The following SEMA6D variants were observed in gnomAD, a reference collection of about 807,000 sequenced individuals.
The protein encoded by SEMA6D is semaphorin 6D.
A neutral mutation model predicts 106.6 loss-of-function variants in SEMA6D; 35 were observed. That is an observed-to-expected ratio of 0.33 (90% CI 0.25 to 0.44). SEMA6D has a LOEUF of 0.44. SEMA6D is among the 20% of genes least tolerant of loss of function. The probability of loss-of-function intolerance (pLI) is 1.00; values close to 1 mark genes in which losing one functional copy is unlikely to be tolerated. For synonymous variants in SEMA6D, 499 were observed against 487.7 expected (o/e 1.02, Z -0.31); for missense variants, 1,185 against 1,345.9 (o/e 0.88, Z 1.87).
intron 1 of SEMA6D, among the ~76,000 whole-genome samples, chr15:47,303,421 T>C (rs2036100940): frequency 6.6e-6 from 1 of 152,182 alleles, no homozygotes; most frequent in Non-Finnish European, 1.5e-5. Flanking sequence ...GTTTACTTCC[T>C]CACTTCTTCA....
intron 1 of SEMA6D, among the ~76,000 whole-genome samples, chr15:47,376,237 T>C (rs1465237161): frequency 6.6e-6 from 1 of 152,212 alleles, no homozygotes; most frequent in South Asian, 2.1e-4. Flanking sequence ...AGTTCTCTCA[T>C]TCCAGTCTCC....
chr15:47,497,577 C>G (rs1473062275), intron 3 of SEMA6D, among the ~76,000 whole-genome samples: 2 of 152,084 alleles, frequency 1.3e-5, no homozygotes, highest in Non-Finnish European at 2.9e-5. Flanking sequence ...TTAATCAATT[C>G]TGTTGATGGC....
chr15:47,560,671 A>T (rs1231411803), intron 3 of SEMA6D, among the ~76,000 whole-genome samples: 1 of 152,136 alleles, frequency 6.6e-6, no homozygotes, highest in African/African-American at 2.4e-5. Flanking sequence ...CTCCAAAAAG[A>T]CATTAAAGTC....
At chr15:47,520,296 A>G (rs2044530238) in intron 3 of SEMA6D, among the ~76,000 whole-genome samples, 1 of 152,380 alleles carries the variant, frequency 6.6e-6, no homozygotes, top group Non-Finnish European at 1.5e-5. Flanking sequence ...AAGGAGTGCT[A>G]TGGGGAAATT....
At chr15:47,266,609 G>A (rs1019998321) in intron 1 of SEMA6D, among the ~76,000 whole-genome samples, 1 of 152,050 alleles carries the variant, frequency 6.6e-6, no homozygotes, top group African/African-American at 2.4e-5. Context: ...CCCACAAATA[G>A]AGGCTGGGCA....
At chr15:47,767,015 C>G in intron 16 of SEMA6D, 22 bp from the exon 17 acceptor site, 1 of 1,453,142 alleles carries the variant, frequency 6.9e-7, no homozygotes, top group Non-Finnish European at 9.3e-7. Flanking sequence ...TCACTGATTA[C>G]TTGTTCCTTT....
intron 3 of SEMA6D, chr15:47,581,298 T>G (rs2076250309): frequency 2.1e-6 from 1 of 480,820 alleles, no homozygotes; most frequent in East Asian, 7.1e-5. Context: ...ATTGTGCAAT[T>G]TCATGTGACA....
chr15:47,736,298 C>A (rs891369183), intron 1 of SEMA6D, among the ~76,000 whole-genome samples: 3 of 152,252 alleles, frequency 2.0e-5, no homozygotes, highest in Admixed American at 6.5e-5. Context: ...AAAAGAGCCA[C>A]AGAGATAAGA....
chr15:47,484,899 G>A (rs1452269992), intron 3 of SEMA6D, among the ~76,000 whole-genome samples: 1 of 152,184 alleles, frequency 6.6e-6, no homozygotes, highest in African/African-American at 2.4e-5. Context: ...TGAATGCCAT[G>A]TGATGTCCTG....
At chr15:47,212,377 T>C (rs2030114666) in intron 1 of SEMA6D, among the ~76,000 whole-genome samples, 1 of 152,202 alleles carries the variant, frequency 6.6e-6, no homozygotes, top group South Asian at 2.1e-4. Context: ...AAGAGGTTAA[T>C]GAGTCAGACC....
At chr15:47,407,609 T>C (rs979238839) in intron 1 of SEMA6D, among the ~76,000 whole-genome samples, 9 of 152,130 alleles carry the variant, frequency 5.9e-5, no homozygotes, top group African/African-American at 2.2e-4. Flanking sequence ...CAAGCCCAGT[T>C]CCTACCCACC....
chr15:47,321,647 C>T (rs2036928507), intron 1 of SEMA6D, among the ~76,000 whole-genome samples: 1 of 152,074 alleles, frequency 6.6e-6, no homozygotes, highest in Admixed American at 6.6e-5. Context: ...TGAGGAAAAA[C>T]TTATTTTTAC....
chr15:47,667,912 G>A (rs959466567), intron 4 of SEMA6D, among the ~76,000 whole-genome samples: 1 of 152,222 alleles, frequency 6.6e-6, no homozygotes, highest in Non-Finnish European at 1.5e-5. Flanking sequence ...TCCTAGAGCT[G>A]CACTTGGGCA....
At chr15:47,189,336 A>G (rs1204331445) in intron 1 of SEMA6D, among the ~76,000 whole-genome samples, 1 of 152,176 alleles carries the variant, frequency 6.6e-6, no homozygotes, top group Non-Finnish European at 1.5e-5. Flanking sequence ...TCTAAGTACC[A>G]CACTTAAATA....
chr15:47,552,891 A>AATATATATATATATTTATATAT (rs1566883077), intron 3 of SEMA6D, among the ~76,000 whole-genome samples: 11 of 35,294 alleles, frequency 3.1e-4, no homozygotes, highest in East Asian at 1.5e-3. Context: ...AATATATATA[A>AATATATATATATATTTATATAT]ATATATATAT....
intron 1 of SEMA6D, among the ~76,000 whole-genome samples, chr15:47,256,858 C>T (rs1224598094): frequency 1.3e-5 from 2 of 151,254 alleles, no homozygotes; most frequent in African/African-American, 4.9e-5. Flanking sequence ...GATTCTGTCC[C>T]AAAAAATAAA....
intron 1 of SEMA6D, among the ~76,000 whole-genome samples, chr15:47,323,556 C>T (rs541782646): frequency 1.3e-5 from 2 of 152,150 alleles, no homozygotes; most frequent in East Asian, 3.9e-4. Context: ...AGGAACCAGT[C>T]GAGAGAGAAA....
At chr15:47,196,019 T>C (rs915867640) in intron 1 of SEMA6D, among the ~76,000 whole-genome samples, 11 of 60,882 alleles carry the variant, frequency 1.8e-4, no homozygotes, top group African/African-American at 5.3e-4. Flanking sequence ...AAGGGGAAAG[T>C]TTCAGATTTT....
chr15:47,405,248 A>G (rs2040523524), intron 1 of SEMA6D, among the ~76,000 whole-genome samples: 1 of 152,058 alleles, frequency 6.6e-6, no homozygotes, highest in South Asian at 2.1e-4. Context: ...ACTGTAAGGG[A>G]TTGGAGGGGG....
Sources: allele counts gnomAD v4.1 joint callset (sites outside exome capture counted in the v4.1 genomes callset), GRCh38; gene constraint gnomAD v4.1.1; transcripts MANE v1.5; gene names NCBI Gene and HGNC (gene_info 2026-07-23, HGNC 2026-07-21).